The following USP9Y variants were observed in gnomAD, a reference collection of about 807,000 sequenced individuals.
USP9Y encodes the protein ubiquitin specific peptidase 9 Y-linked, also known as ubiquitin carboxyl-terminal hydrolase 9Y.
Under a neutral mutation model 53.1 loss-of-function variants are expected in USP9Y, and 41 were observed. That is an observed-to-expected ratio of 0.77 (90% confidence interval 0.60 to 1.00). USP9Y has a LOEUF of 1.00. Among genes scored for constraint, USP9Y ranks in the 50% least tolerant of loss-of-function variants. USP9Y has a pLI of 0.00. For synonymous variants in USP9Y, 220 were observed against 173.7 expected (o/e 1.27, Z -2.09); for missense variants, 567 against 535.8 (o/e 1.06, Z -0.58).
intron 3 of USP9Y, among the ~76,000 whole-genome samples, chrY:12,709,915 A>T (rs773269121): frequency 9.1e-4 from 28 of 30,790 alleles, no homozygotes; most frequent in African/African-American, 3.2e-3. Context: ...ACTGCACTCC[A>T]GTCTGGGTGA....
At chrY:12,778,463 A>G (rs2053495394) in intron 20 of USP9Y, 143 bp from the exon 21 acceptor site, 2 of 215,878 alleles carry the variant, frequency 9.3e-6, no homozygotes, top group African/African-American at 1.6e-4. Context: ...ATACAATTAA[A>G]TGGTTATGTT....
rs1334387245 is a variant in USP9Y, at chrY:12,726,601, C to A, written c.465C>A (p.Arg155=). ...GATGTATTATTAACAATACTCATCG[C>A]CTAGTGGAGCTTTGTGTGGCCAAGT... The part of the protein sequence containing the change: ...IHRCIINNTH[R]LVELCVAKLS... Residue 155 remains arginine, a synonymous_variant, in exon 7 of 46, where the codon CGC becomes CGA. Coordinates refer to ENST00000338981, the MANE Select transcript of USP9Y (RefSeq NM_004654.4). 7.6e-6 allele frequency: 3 copies of A among 395,274 alleles called. No homozygotes were observed. The highest frequency in any genetic ancestry group is 1.1e-5 in the Non-Finnish European group (3 of 282,033).
At chrY:12,752,235 A>G (rs2053464639) in intron 12 of USP9Y, among the ~76,000 whole-genome samples, 1 of 32,854 alleles carries the variant, frequency 3.0e-5, no homozygotes, top group Non-Finnish European at 7.5e-5. Flanking sequence ...GCCCCAGAAT[A>G]CTATATACCT....
chrY:12,847,641 C>T (rs2053568203), intron 42 of USP9Y, among the ~76,000 whole-genome samples: 1 of 27,350 alleles, frequency 3.7e-5, no homozygotes, highest in Non-Finnish European at 8.7e-5. Context: ...CCCCACCCCC[C>T]GACAGGCCCT....
At chrY:12,725,264 T>C (rs1297039619) in intron 6 of USP9Y, 39 bp downstream of exon 6, 4 of 303,840 alleles carry the variant, frequency 1.3e-5, no homozygotes, top group Non-Finnish European at 2.0e-5. Context: ...CAGATTTACA[T>C]GGTGATTCCT....
chrY:12,808,654 C>T (rs2053527004), intron 27 of USP9Y, among the ~76,000 whole-genome samples: 2 of 33,242 alleles, frequency 6.0e-5, no homozygotes, highest in East Asian at 7.8e-4. Flanking sequence ...GATTGTTTTC[C>T]GATCTCAGAG....
At chrY:12,824,902 G>A in intron 33 of USP9Y, among the ~76,000 whole-genome samples, 1 of 32,458 alleles carries the variant, frequency 3.1e-5, no homozygotes, top group Admixed American at 2.8e-4. Context: ...ATGCTTCTTG[G>A]TGGTTGTGTT....
At chrY:12,788,260 T>C in intron 24 of USP9Y, among the ~76,000 whole-genome samples, 1 of 33,736 alleles carries the variant, frequency 3.0e-5, no homozygotes, top group Non-Finnish European at 7.3e-5. Flanking sequence ...GGAGCACTCC[T>C]AATCCTTCTT....
At chrY:12,712,760 TG>T (rs2053426026) in intron 3 of USP9Y, among the ~76,000 whole-genome samples, 2 of 33,492 alleles carry the variant, frequency 6.0e-5, no homozygotes, top group African/African-American at 2.3e-4. Context: ...CTTTTGTGGT[TG>T]TAATTGAACA....
intron 17 of USP9Y, among the ~76,000 whole-genome samples, chrY:12,774,278 C>T (rs1603199250): frequency 3.1e-5 from 1 of 31,955 alleles, no homozygotes; most frequent in Non-Finnish European, 7.6e-5. Flanking sequence ...CTGGCTAACA[C>T]GGTGAAACCC....
chrY:12,787,730 A>G (rs968090867), intron 24 of USP9Y, among the ~76,000 whole-genome samples: 5 of 33,782 alleles, frequency 1.5e-4, no homozygotes, highest in African/African-American at 5.7e-4. Flanking sequence ...ATATTAATTT[A>G]CAAAGCTCTG....
intron 7 of USP9Y, among the ~76,000 whole-genome samples, chrY:12,732,688 G>A: frequency 3.2e-5 from 1 of 31,313 alleles, no homozygotes; most frequent in South Asian, 7.6e-4. Flanking sequence ...TCTTCTCCAT[G>A]TTTGGTCAGG....
chrY:12,800,459 C>T lies in USP9Y; in HGVS notation c.3983+7258C>T. Among the ~76,000 whole-genome samples, 5 of 33,505 alleles carry T rather than the reference C, an allele frequency of 1.5e-4. No homozygotes were observed. In the South Asian group the frequency reaches 2.7e-3, roughly 18 times the overall value. The allele number at this position is 33,505 out of a possible 37,273, so 89.9% of individuals were successfully genotyped here. On this transcript the variant is annotated intron_variant, in intron 27 of 45. Transcript: ENST00000338981. ...GTGAGTGGCTGAAGGTCAAGTTGACCGCCGGTGACCAGAATATTATTTAAT... is the reference window on the plus strand; with the variant it reads ...GTGAGTGGCTGAAGGTCAAGTTGACTGCCGGTGACCAGAATATTATTTAAT...
intron 33 of USP9Y, among the ~76,000 whole-genome samples, chrY:12,831,106 T>C (rs2053550359): frequency 6.0e-5 from 2 of 33,573 alleles, no homozygotes; most frequent in African/African-American, 1.2e-4. Context: ...CCTATCAGTC[T>C]TGCTTCCTTA....
At chrY:12,750,403 G>T (rs1016701069) in intron 12 of USP9Y, among the ~76,000 whole-genome samples, 20 of 32,867 alleles carry the variant, frequency 6.1e-4, no homozygotes, top group African/African-American at 2.2e-3. Context: ...TCTCCTTCTG[G>T]CCTGATTTCC....
chrY:12,752,721 C>T (rs2053465228), intron 12 of USP9Y, among the ~76,000 whole-genome samples: 2 of 33,100 alleles, frequency 6.0e-5, no homozygotes, highest in Admixed American at 5.5e-4. Context: ...CAGTGGCTCA[C>T]ACCTGTAATC....
intron 1 of USP9Y, among the ~76,000 whole-genome samples, chrY:12,705,490 AT>A (rs1489124399): frequency 1.1e-4 from 3 of 26,205 alleles, no homozygotes; most frequent in Non-Finnish European, 1.9e-4. Context: ...TTCCTTGTTG[AT>A]TTTTTTTTTT....
chrY:12,767,862 T>A, intron 15 of USP9Y, among the ~76,000 whole-genome samples: 1 of 32,456 alleles, frequency 3.1e-5, no homozygotes, highest in Non-Finnish European at 7.6e-5. Context: ...GAGATTTTTT[T>A]TTTTGAGACA....
intron 27 of USP9Y, among the ~76,000 whole-genome samples, chrY:12,806,157 A>T (rs778758270): frequency 2.4e-3 from 77 of 32,391 alleles, no homozygotes; most frequent in Admixed American, 5.1e-3. Flanking sequence ...TTTGTTTTTT[A>T]AAAAAAAATG....
Sources: allele counts gnomAD v4.1 joint callset (sites outside exome capture counted in the v4.1 genomes callset), GRCh38; gene constraint gnomAD v4.1.1; transcripts MANE v1.5; gene names NCBI Gene and HGNC (gene_info 2026-07-23, HGNC 2026-07-21).